Variants in HESX1 observed in about 807,000 individuals in gnomAD.
HESX1 encodes homeobox expressed in ES cells 1.
Under a neutral mutation model 22.5 loss-of-function variants are expected in HESX1, and 11 were observed. The ratio of observed to expected loss-of-function variants is 0.49; its 90% CI spans 0.31 to 0.81. The LOEUF is 0.81. HESX1 is among the 30% of genes least tolerant of loss of function. The pLI is 0.05. For missense variants in HESX1, 201 were observed against 212.6 expected (o/e 0.95, Z 0.34); for synonymous variants, 74 against 76.5 (o/e 0.97, Z 0.17).
At position 57,199,949 on chromosome 3, in the gene HESX1, T is replaced by C; in HGVS notation, c.-31A>G. ...CGTGGTCTGCACAGAGCAACAGCTC[T>C]GGCCTCTGCTGGCTCTGCCCCACGT... is the stretch of plus-strand genomic sequence containing the variant. On this transcript the variant is annotated 5_prime_UTR_variant, in exon 1 of 4. Coordinates refer to ENST00000295934, the MANE Select transcript of HESX1 (RefSeq NM_003865.3). 1 of 1,608,962 alleles carries C rather than the reference T, an allele frequency of 6.2e-7. No individual in the cohort carries two copies. The highest frequency in any genetic ancestry group is 1.3e-5 in the African/African-American group (1 of 74,968).
In HESX1 at chr3:57,211,527, C is replaced by CAAAAAAAAAAAAAA. The variant is rs61137408; in HGVS notation, c.-110-11513_-110-11500dup. The stretch of plus-strand genomic sequence containing the variant: ...TCTGGGTGACAGAGAGAGACCTTGT[C>CAAAAAAAAAAAAAA]AAAAAAAAAAAAAAAAAAAAAAAAG... On this transcript the variant is annotated intron_variant, in intron 1 of 2. Transcript: ENST00000495160. 4.4e-4 allele frequency among the ~76,000 whole-genome samples: 14 copies of CAAAAAAAAAAAAAA among 31,984 alleles called. 2 individuals are homozygous for CAAAAAAAAAAAAAA. The highest frequency in any genetic ancestry group is 1.0e-3 in the African/African-American group (6 of 5,860). 21.0% of individuals were successfully genotyped at this position (31,984 alleles called of 152,430 possible). A position where few individuals can be genotyped will look rare whatever the true frequency, so the allele number is the denominator to read the frequency against.
chr3:57,213,816 G>A (rs1386773934), intron 1 of HESX1, among the ~76,000 whole-genome samples: 2 of 149,034 alleles, frequency 1.3e-5, no homozygotes, highest in Non-Finnish European at 2.9e-5. Context: ...AGGTACTAGG[G>A]AGGCTGAGTC....
chr3:57,224,862 T>G (rs2060633476), intron 1 of HESX1, among the ~76,000 whole-genome samples: 1 of 152,244 alleles, frequency 6.6e-6, no homozygotes, highest in Non-Finnish European at 1.5e-5. Flanking sequence ...CGTCCTTTTG[T>G]TGTAAATTAT....
upstream of HESX1, chr3:57,200,173 C>T: frequency 2.0e-6 from 1 of 494,936 alleles, no homozygotes; most frequent in Admixed American, 3.2e-5. Flanking sequence ...AGGGGGGCCA[C>T]CTACAGGGAC....
chr3:57,201,303 C>T (rs914563060), upstream of HESX1, among the ~76,000 whole-genome samples: 10 of 152,054 alleles, frequency 6.6e-5, no homozygotes, highest in African/African-American at 2.2e-4. Flanking sequence ...AACCATTCTG[C>T]GGATGAATAA....
In HESX1 at chr3:57,198,505, A is replaced by G. The variant is rs375723775; in HGVS notation, c.358-13T>C. 6.8e-7 allele frequency: 1 copy of G among 1,462,758 alleles called. No homozygotes were observed. The highest frequency in any genetic ancestry group is 2.3e-5 in the East Asian group (1 of 44,126). The allele number at this position is 1,462,758 out of a possible 1,614,324, so 90.6% of individuals were successfully genotyped here. On this transcript the variant is annotated splice_polypyrimidine_tract_variant and intron_variant, in intron 2 of 3. Transcript: ENST00000295934. ...CTAACACTTCAATCTAAGAAAAAAA[A>G]ATGTTGATATTCAGTATGTCTCCAA...
At chr3:57,225,881 C>CTTTTTTTTTTT (rs540522007) in intron 1 of HESX1, among the ~76,000 whole-genome samples, 26 of 132,106 alleles carry the variant, frequency 2.0e-4, no homozygotes, top group Non-Finnish European at 3.2e-4. Context: ...CTTTTCTTTT[C>CTTTTTTTTTTT]TTTTTTTTTT....
chr3:57,222,699 C>G (rs1041015667), intron 1 of HESX1, among the ~76,000 whole-genome samples: 1 of 152,142 alleles, frequency 6.6e-6, no homozygotes, highest in Non-Finnish European at 1.5e-5. Flanking sequence ...AAAAACAAAA[C>G]AAAAACTCCT....
intron 1 of HESX1, among the ~76,000 whole-genome samples, chr3:57,199,278 C>G (rs1229676993): frequency 6.6e-6 from 1 of 152,142 alleles, no homozygotes; most frequent in Non-Finnish European, 1.5e-5. Context: ...CAATCCAAAG[C>G]TGATATTCTT....
intron 1 of HESX1, among the ~76,000 whole-genome samples, chr3:57,221,593 C>G (rs1165681710): frequency 6.6e-6 from 1 of 152,152 alleles, no homozygotes; most frequent in Non-Finnish European, 1.5e-5. Flanking sequence ...CTGTAATATG[C>G]TATACTTCTT....
intron 1 of HESX1, among the ~76,000 whole-genome samples, chr3:57,225,626 C>A (rs1401354459): frequency 6.6e-6 from 1 of 152,104 alleles, no homozygotes; most frequent in African/African-American, 2.4e-5. Context: ...CAGGCGTGAG[C>A]CCCACCGCGC....
intron 1 of HESX1, among the ~76,000 whole-genome samples, chr3:57,206,637 G>A (rs1298299971): frequency 6.6e-6 from 1 of 152,128 alleles, no homozygotes; most frequent in Admixed American, 6.6e-5. Flanking sequence ...GTAAACATGG[G>A]GTCGCCTCCA....
At position 57,199,879 on chromosome 3, in the gene HESX1, T is replaced by C. The variant is rs781301558; in HGVS notation, c.40A>G (p.Asn14Asp). 3.7e-6 allele frequency: 6 copies of C among 1,614,088 alleles called. No homozygotes were observed. The highest frequency in any genetic ancestry group is 1.3e-5 in the African/African-American group (1 of 75,030). Reference sequence around the variant, plus strand: ...GAAAAGGAGCAAGTTGAGGGTTTGTTTTCCCCGAGCTGAGCGCCTTCCTGA... The same window carrying C: ...GAAAAGGAGCAAGTTGAGGGTTTGTCTTCCCCGAGCTGAGCGCCTTCCTGA... ...SLQEGAQLGE[N>D]KPSTCSFSIE... Residue 14 changes from asparagine to aspartate, a missense_variant, in exon 1 of 4, where the codon AAC becomes GAC. Asn to Asp is a conservative substitution (Grantham distance 23, BLOSUM62 1). Transcript: ENST00000295934.
intron 1 of HESX1, among the ~76,000 whole-genome samples, chr3:57,210,681 G>A (rs2060548180): frequency 6.6e-6 from 1 of 152,188 alleles, no homozygotes; most frequent in African/African-American, 2.4e-5. Flanking sequence ...ATGGATGGAT[G>A]GACAGATGGG....
intron 1 of HESX1, among the ~76,000 whole-genome samples, chr3:57,218,178 T>C (rs1375230328): frequency 6.6e-6 from 1 of 152,202 alleles, no homozygotes; most frequent in Non-Finnish European, 1.5e-5. Context: ...CATGGGGGTT[T>C]CTTGTACAGA....
At chr3:57,203,355 A>G (rs2060501054), upstream of HESX1, among the ~76,000 whole-genome samples, 2 of 152,150 alleles carry the variant, frequency 1.3e-5, no homozygotes, top group South Asian at 4.1e-4. Flanking sequence ...AGATTTGGAG[A>G]GAAGTGCAAT....
At chr3:57,200,170 C>A, upstream of HESX1, 1 of 496,260 alleles carries the variant, frequency 2.0e-6, no homozygotes, top group Non-Finnish European at 3.7e-6. Context: ...ACCAGGGGGG[C>A]CACCTACAGG....
Position 57,198,223 on chromosome 3 carries a change from T to A in HESX1, c.532A>T (p.Asn178Tyr), listed in dbSNP as rs1430551730. 1 of 1,612,448 alleles carries A rather than the reference T, an allele frequency of 6.2e-7. No individual in the cohort carries two copies. The highest frequency in any genetic ancestry group is 1.1e-5 in the South Asian group (1 of 90,976). Residue 178 changes from asparagine (N) to tyrosine (Y), a missense_variant, in exon 4 of 4, where the codon AAT becomes TAT. Coordinates refer to ENST00000295934, the MANE Select transcript of HESX1 (RefSeq NM_003865.3). ...TATTCCAGCAGATTTGTGTTGAAAT[T>A]TTTTTTCGCCATTAGAAACTGTGAT... Reference protein sequence around the residue: ...RESQFLMAKKNFNTNLLE With the variant: ...RESQFLMAKKYFNTNLLE
At chr3:57,225,762 G>A (rs2060638708) in intron 1 of HESX1, among the ~76,000 whole-genome samples, 1 of 152,056 alleles carries the variant, frequency 6.6e-6, no homozygotes, top group African/African-American at 2.4e-5. Flanking sequence ...ATACTAAGAA[G>A]GAAACCATTT....
Sources: allele counts gnomAD v4.1 joint callset (sites outside exome capture counted in the v4.1 genomes callset), GRCh38; gene constraint gnomAD v4.1.1; transcripts MANE v1.5; gene names NCBI Gene and HGNC (gene_info 2026-07-23, HGNC 2026-07-21).